Variants in SORCS3 observed in about 807,000 individuals in gnomAD.
SORCS3 encodes the protein VPS10 domain-containing receptor SorCS3.
In SORCS3, 57 loss-of-function variants were observed where a neutral mutation model predicts 146.3. The ratio of observed to expected loss-of-function variants is 0.39; its 90% CI spans 0.31 to 0.49. The LOEUF (loss-of-function observed/expected upper bound fraction) is 0.49. Among genes scored for constraint, SORCS3 ranks in the 20% least tolerant of loss-of-function variants. SORCS3 has a pLI of 0.92. For synonymous variants in SORCS3, 653 were observed against 618.5 expected, an observed-to-expected ratio of 1.06 and a Z score of -0.83; for missense variants, 1,341 against 1,575.5, an observed-to-expected ratio of 0.85 and a Z score of 2.52.
intron 2 of SORCS3, among the ~76,000 whole-genome samples, chr10:104,843,744 C>A (rs925363890): frequency 1.3e-5 from 2 of 152,240 alleles, no homozygotes; most frequent in Admixed American, 1.3e-4. Context: ...CACATCCATA[C>A]GACCACATTG....
At chr10:104,948,045 A>G (rs1244765204) in intron 3 of SORCS3, among the ~76,000 whole-genome samples, 1 of 152,222 alleles carries the variant, frequency 6.6e-6, no homozygotes, top group Admixed American at 6.5e-5. Context: ...TTGACTGGCA[A>G]CAGGCTAAGA....
intron 3 of SORCS3, among the ~76,000 whole-genome samples, chr10:104,921,203 A>C (rs2019083208): frequency 6.6e-6 from 1 of 152,224 alleles, no homozygotes; most frequent in Non-Finnish European, 1.5e-5. Context: ...CCTCAGGCCC[A>C]TGCAGAATGG....
rs1318052022 is a variant in SORCS3, at chr10:104,641,320, G to T, written c.-8G>T. 6 of 1,296,926 alleles carry T rather than the reference G, an allele frequency of 4.6e-6. No homozygotes were observed. The highest frequency in any genetic ancestry group is 3.1e-5 in the African/African-American group (2 of 64,230). 80.3% of individuals were successfully genotyped at this position (1,296,926 alleles called of 1,614,324 possible). ...CTCGGCAGCCCGAGCCGCGGTAGCC[G>T]CAGCGGGATGGAGGCGGCGCGCACG... On this transcript the variant is annotated 5_prime_UTR_variant, in exon 1 of 27. Coordinates refer to ENST00000369701, the MANE Select transcript of SORCS3 (RefSeq NM_014978.3). This position sits in a 1 kb window ranked among gnomAD's most constrained non-coding sequence, Gnocchi z 6.4.
At chr10:104,987,596 T>G (rs11591402) in intron 4 of SORCS3, among the ~76,000 whole-genome samples, 1 of 151,894 alleles carries the variant, frequency 6.6e-6, no homozygotes, top group Non-Finnish European at 1.5e-5. Flanking sequence ...CTTCAGCGTT[T>G]TTTTCACTGT....
intron 6 of SORCS3, among the ~76,000 whole-genome samples, chr10:105,093,583 T>C (rs976252983): frequency 1.3e-5 from 2 of 152,042 alleles, no homozygotes; most frequent in African/African-American, 2.4e-5. Flanking sequence ...AAAGTTTGAA[T>C]AGATCATTTA....
intron 4 of SORCS3, among the ~76,000 whole-genome samples, chr10:105,002,902 C>T (rs902679925): frequency 1.3e-5 from 2 of 152,184 alleles, no homozygotes; most frequent in Admixed American, 6.5e-5. Context: ...ATATAGAGTA[C>T]TCGCTGTGTT....
intron 3 of SORCS3, among the ~76,000 whole-genome samples, chr10:104,936,534 T>G (rs951129752): frequency 3.3e-5 from 5 of 152,086 alleles, no homozygotes; most frequent in African/African-American, 1.2e-4. Flanking sequence ...GAGAGACAGG[T>G]TGGTGAATGA....
intron 1 of SORCS3, among the ~76,000 whole-genome samples, chr10:104,826,135 T>C (rs1364037449): frequency 1.3e-5 from 2 of 152,182 alleles, no homozygotes. Context: ...AGTTTCCTTA[T>C]CTAGGCAATG....
chr10:105,256,182 A>C (rs1413081239), intron 24 of SORCS3, among the ~76,000 whole-genome samples: 1 of 152,136 alleles, frequency 6.6e-6, no homozygotes, highest in Admixed American at 6.5e-5. Context: ...TGAATCTTGG[A>C]TGGTAGGCCA....
rs996434310 is a variant in SORCS3, at chr10:104,694,072, G to A, written c.627+52118G>A. ...ACAGAAAAACAGAGCCTTGATTTGCGTGGTTGTTAGCAAAGCCCCTCTCCT... is the reference window on the plus strand; with the variant it reads ...ACAGAAAAACAGAGCCTTGATTTGCATGGTTGTTAGCAAAGCCCCTCTCCT... On this transcript the variant is annotated intron_variant, in intron 1 of 26. Coordinates refer to ENST00000369701, the MANE Select transcript of SORCS3 (RefSeq NM_014978.3). Among the ~76,000 whole-genome samples, 7 of 151,486 alleles carry A rather than the reference G, an allele frequency of 4.6e-5. No individual in the cohort carries two copies. In the South Asian group the frequency reaches 6.3e-4, roughly 14 times the overall value.
chr10:104,876,933 G>A (rs150767799), intron 2 of SORCS3, among the ~76,000 whole-genome samples: 97 of 151,990 alleles, frequency 6.4e-4, no homozygotes, highest in African/African-American at 2.1e-3. Flanking sequence ...GCAGCTCACT[G>A]CAGCCTCAGC....
At chr10:105,217,779 T>G (rs2056674027) in intron 19 of SORCS3, 1 of 453,724 alleles carries the variant, frequency 2.2e-6, no homozygotes, top group South Asian at 1.6e-5. Flanking sequence ...GCTGGATGCA[T>G]TTTGTGTATT....
chr10:104,868,814 T>C (rs1392269862), intron 2 of SORCS3, among the ~76,000 whole-genome samples: 5 of 152,244 alleles, frequency 3.3e-5, no homozygotes, highest in African/African-American at 1.2e-4. Context: ...CTCATTATAT[T>C]TGTTAGTTTT....
intron 26 of SORCS3, 139 bp from the exon 27 acceptor site, chr10:105,263,171 C>T (rs984046920): frequency 1.9e-5 from 13 of 685,258 alleles, no homozygotes; most frequent in South Asian, 6.0e-5. Context: ...TGATAGGTAA[C>T]GATATCCGGG....
At position 104,728,974 on chromosome 10, in the gene SORCS3, A is replaced by G. The variant is rs182691264; in HGVS notation, c.627+87020A>G. The stretch of plus-strand genomic sequence containing the variant: ...GCCAGATGTCACACTATAATGTAAT[A>G]TAATATTGCTAGTAATATTTCAGGA... On this transcript the variant is annotated intron_variant, in intron 1 of 26. Coordinates refer to ENST00000369701, the MANE Select transcript of SORCS3 (RefSeq NM_014978.3). Among the ~76,000 whole-genome samples, 92 of 152,370 alleles carry G rather than the reference A, an allele frequency of 6.0e-4. No individual in the cohort carries two copies. In the East Asian group the frequency reaches 0.013, roughly 22 times the overall value.
chr10:105,223,031 A>G (rs182934655), intron 19 of SORCS3, 85 bp from the exon 20 acceptor site: 1 of 1,388,948 alleles, frequency 7.2e-7, no homozygotes, highest in African/African-American at 1.4e-5. Context: ...ATGCGAATAG[A>G]ATTTAAGGTT....
intron 1 of SORCS3, among the ~76,000 whole-genome samples, chr10:104,770,103 C>T (rs1304992458): frequency 6.6e-6 from 1 of 152,136 alleles, no homozygotes; most frequent in African/African-American, 2.4e-5. Context: ...TGGGCTGCAA[C>T]CTACTCTCAA....
At chr10:105,009,536 A>C (rs1345472782) in intron 4 of SORCS3, among the ~76,000 whole-genome samples, 15,030 of 150,218 alleles carry the variant, frequency 0.1, 1,073 homozygotes, top group Middle Eastern at 0.16. Context: ...ACAAAAAAAA[A>C]AAAAAAAAAA....
At chr10:105,093,351 C>T (rs2055723422) in intron 6 of SORCS3, among the ~76,000 whole-genome samples, 1 of 151,934 alleles carries the variant, frequency 6.6e-6, no homozygotes, top group Non-Finnish European at 1.5e-5. Flanking sequence ...TTTTTATGAC[C>T]TTGGGATGGA....
Sources: allele counts gnomAD v4.1 joint callset (sites outside exome capture counted in the v4.1 genomes callset), GRCh38; gene constraint gnomAD v4.1.1; non-coding constraint Gnocchi (gnomAD v3.1); transcripts MANE v1.5; gene names NCBI Gene and HGNC (gene_info 2026-07-23, HGNC 2026-07-21).